Variants in SCAF11 observed in about 807,000 individuals in gnomAD.
SCAF11 encodes protein SCAF11.
In SCAF11, 47 loss-of-function variants were observed where a neutral mutation model predicts 140.5. The observed-to-expected ratio is 0.33, with a 90% confidence interval of 0.26 to 0.43. SCAF11 has a LOEUF of 0.43. Ranked by LOEUF, SCAF11 falls within the 20% of genes least tolerant of loss-of-function variation. The probability of loss-of-function intolerance (pLI) is 1.00; values close to 1 mark genes in which losing one functional copy is unlikely to be tolerated. For synonymous variants in SCAF11, 557 were observed against 579.4 expected (o/e 0.96, Z 0.55); for missense variants, 1,645 against 1,705.1 (o/e 0.96, Z 0.62).
chr12:45,922,376 T>G, intron 14 of SCAF11, 87 bp downstream of exon 14: 1 of 1,534,626 alleles, frequency 6.5e-7, no homozygotes, highest in Non-Finnish European at 8.8e-7. Context: ...CTAGCTTTTA[T>G]TATTTTAATT....
intron 1 of SCAF11, among the ~76,000 whole-genome samples, chr12:45,976,990 T>C (rs1344924623): frequency 1.3e-5 from 2 of 152,048 alleles, no homozygotes; most frequent in South Asian, 2.1e-4. Flanking sequence ...TTTGAAGAAA[T>C]TGAATTTGTA....
chr12:45,948,564 A>G lies in SCAF11; in HGVS notation c.298-27T>C, dbSNP rs201111961. On this transcript the variant is annotated intron_variant, in intron 4 of 14. Coordinates refer to ENST00000369367, the MANE Select transcript of SCAF11 (RefSeq NM_004719.3). The stretch of plus-strand genomic sequence containing the variant: ...TATGAGAAAAGCAAAATCAATTTAG[A>G]GCAACAATCCAGCCTTACAAATAAC... The G allele has an allele frequency of 1.4e-5, 19 of 1,357,810 alleles. No individual in the cohort carries two copies. In the Admixed American group the frequency reaches 2.7e-4, roughly 19 times the overall value. The allele number at this position is 1,357,810 out of a possible 1,614,324, so 84.1% of individuals were successfully genotyped here.
chr12:45,980,855 C>A (rs900927738), intron 1 of SCAF11, among the ~76,000 whole-genome samples: 2 of 152,030 alleles, frequency 1.3e-5, no homozygotes, highest in African/African-American at 4.8e-5. Flanking sequence ...TTCCAAAATA[C>A]CTGTGTTTGG....
At chr12:45,945,691 C>T (rs1592188447) in intron 5 of SCAF11, among the ~76,000 whole-genome samples, 1 of 151,914 alleles carries the variant, frequency 6.6e-6, no homozygotes, top group African/African-American at 2.4e-5. Context: ...CATGCACCAC[C>T]TTGTCAGGTT....
At chr12:45,988,232 G>A (rs1946506274) in intron 1 of SCAF11, among the ~76,000 whole-genome samples, 1 of 152,074 alleles carries the variant, frequency 6.6e-6, no homozygotes. Context: ...CTTGCTAAAG[G>A]GAAGTTACAA....
chr12:45,953,435 T>G (rs1249733438), intron 3 of SCAF11, among the ~76,000 whole-genome samples: 1 of 152,116 alleles, frequency 6.6e-6, no homozygotes, highest in Non-Finnish European at 1.5e-5. Flanking sequence ...TGCCAACACT[T>G]TGAGAGGCCA....
chr12:45,926,068 C>T, intron 11 of SCAF11, 74 bp downstream of exon 11: 3 of 1,432,908 alleles, frequency 2.1e-6, no homozygotes, highest in Non-Finnish European at 9.4e-7. Flanking sequence ...ATCATTTCAA[C>T]TCATACAAAT....
chr12:45,926,133 AT>A lies in SCAF11; in HGVS notation c.3559+8del. ...AAACAGTATCAATAAACCAACAAGA[AT>A]ACATTACCCTGTCCAGATGTTTCCT... On this transcript the variant is annotated splice_region_variant and intron_variant, in intron 11 of 14. Transcript: ENST00000369367. 6.3e-7 allele frequency: 1 copy of A among 1,578,534 alleles called. No homozygotes were observed. Among genetic ancestry groups the A allele is most frequent in the Non-Finnish European group, 8.6e-7 (1 of 1,160,958 alleles).
intron 1 of SCAF11, among the ~76,000 whole-genome samples, chr12:45,967,040 T>C (rs1051272824): frequency 7.2e-5 from 11 of 152,198 alleles, no homozygotes; most frequent in Non-Finnish European, 1.3e-4. Context: ...GTCTAACCTA[T>C]GCTATTTTCA....
intron 1 of SCAF11, among the ~76,000 whole-genome samples, chr12:45,980,024 G>T (rs1179128360): frequency 1.3e-5 from 2 of 151,910 alleles, no homozygotes; most frequent in Non-Finnish European, 2.9e-5. Flanking sequence ...ATTATTTTTG[G>T]CTACTACTTT....
chr12:45,938,002 A>G (rs561448923), intron 6 of SCAF11, among the ~76,000 whole-genome samples: 1 of 152,256 alleles, frequency 6.6e-6, no homozygotes, highest in South Asian at 2.1e-4. Context: ...TCAACTTGCT[A>G]AGGTTTGATG....
rs141300912 is a variant in SCAF11 at position 45,987,729 on chromosome 12, T to C, written c.-22+2624A>G. 5.1e-3 allele frequency among the ~76,000 whole-genome samples: 780 copies of C among 152,200 alleles called. 7 individuals are homozygous for C. Among genetic ancestry groups the C allele is most frequent in the African/African-American group, 0.018 (740 of 41,514 alleles). ...TTAAATCATAGAGCCTTGTAGACCATAGGAGTATGGAATTTACTATGACTG... is the reference window on the plus strand; with the variant it reads ...TTAAATCATAGAGCCTTGTAGACCACAGGAGTATGGAATTTACTATGACTG... On this transcript the variant is annotated intron_variant, in intron 1 of 14. Coordinates refer to ENST00000369367, the MANE Select transcript of SCAF11 (RefSeq NM_004719.3).
At chr12:45,962,559 G>A (rs1253672221) in intron 2 of SCAF11, among the ~76,000 whole-genome samples, 1 of 151,954 alleles carries the variant, frequency 6.6e-6, no homozygotes, top group East Asian at 1.9e-4. Flanking sequence ...AGTATGCATC[G>A]CTGGCTCATA....
At chr12:45,972,987 GATATAGAT>G (rs1445992960) in intron 1 of SCAF11, among the ~76,000 whole-genome samples, 18 of 132,806 alleles carry the variant, frequency 1.4e-4, no homozygotes, top group Admixed American at 4.5e-4. Context: ...TAGATATATA[GATATAGAT>G]ATATAGATAT....
chr12:45,936,655 C>CA (rs1945180160), intron 6 of SCAF11, among the ~76,000 whole-genome samples: 2 of 152,224 alleles, frequency 1.3e-5, no homozygotes, highest in South Asian at 4.1e-4. Context: ...TGGTAACTCT[C>CA]AAAGCTGCTG....
At chr12:45,955,030 C>T (rs1410425127) in intron 3 of SCAF11, 1 of 150,650 alleles carries the variant, frequency 6.6e-6, no homozygotes, top group South Asian at 2.1e-4. Context: ...AAAGGAAAAA[C>T]AAGAAAAAAA....
intron 4 of SCAF11, among the ~76,000 whole-genome samples, chr12:45,949,802 TGGCTCTCAGTAAAGAAGTCTAG>T (rs1485985355): frequency 1.3e-5 from 2 of 152,182 alleles, no homozygotes; most frequent in Non-Finnish European, 2.9e-5. Flanking sequence ...AATACAGGTC[TGGCTCTCAGTAAAGAAGTCTAG>T]GACAGTGACA....
rs760806419 is a variant in SCAF11 at position 45,927,947 on chromosome 12, GTTATT to G, written c.1749_1753del (p.Lys583AsnfsTer10). 1 of 1,613,322 alleles carries G rather than the reference GTTATT, an allele frequency of 6.2e-7. No individual in the cohort carries two copies. Among genetic ancestry groups the G allele is most frequent in the African/African-American group, 1.3e-5 (1 of 75,014 alleles). On this transcript the variant is annotated frameshift_variant, in exon 11 of 15. Transcript: ENST00000369367. LOFTEE classifies it high-confidence loss of function. Reference sequence around the variant, plus strand: ...AGTAATTTCTACTAGGGAACTCTCTGTTATTTTTTCTTCATTAACCACTGACTCTA... The same window carrying G: ...AGTAATTTCTACTAGGGAACTCTCTGTTTTCTTCATTAACCACTGACTCTA...
At chr12:45,950,049 A>T (rs971971974) in intron 4 of SCAF11, among the ~76,000 whole-genome samples, 4 of 152,150 alleles carry the variant, frequency 2.6e-5, no homozygotes, top group African/African-American at 7.2e-5. Flanking sequence ...ACATACATAC[A>T]TACTTACATA....
Sources: allele counts gnomAD v4.1 joint callset (sites outside exome capture counted in the v4.1 genomes callset), GRCh38; gene constraint gnomAD v4.1.1; transcripts MANE v1.5; gene names NCBI Gene and HGNC (gene_info 2026-07-23, HGNC 2026-07-21).